The following ADIPOR2 variants were observed in gnomAD, a reference collection of about 807,000 sequenced individuals.
ADIPOR2 encodes the protein adiponectin receptor 2.
In ADIPOR2, 18 loss-of-function variants were observed where a neutral mutation model predicts 40.9. The ratio of observed to expected loss-of-function variants is 0.44; its 90% CI spans 0.30 to 0.65. The LOEUF is 0.65. ADIPOR2 is among the 30% of genes least tolerant of loss of function. The pLI is 0.09. For missense variants in ADIPOR2, 283 were observed against 479.2 expected, an observed-to-expected ratio of 0.59 and a Z score of 3.82; for synonymous variants, 165 against 166.4, an observed-to-expected ratio of 0.99 and a Z score of 0.06.
intron 1 of ADIPOR2, among the ~76,000 whole-genome samples, chr12:1,728,625 G>A (rs977676313): frequency 2.6e-5 from 4 of 151,880 alleles, no homozygotes; most frequent in African/African-American, 9.7e-5. Flanking sequence ...TCCGGAGGCT[G>A]AAGCAGGAGA....
chr12:1,754,552 A>C, intron 2 of ADIPOR2, 38 bp downstream of exon 2: 1 of 1,567,184 alleles, frequency 6.4e-7, no homozygotes, highest in South Asian at 1.2e-5. Context: ...AAAGGAAAAA[A>C]TGTGGAGGAA....
At chr12:1,714,594 A>G (rs1162304341) in intron 1 of ADIPOR2, among the ~76,000 whole-genome samples, 1 of 152,106 alleles carries the variant, frequency 6.6e-6, no homozygotes, top group Admixed American at 6.5e-5. Flanking sequence ...AATTCTGCTT[A>G]GTCCTTCTAG....
At chr12:1,724,446 A>G (rs2094703867) in intron 1 of ADIPOR2, among the ~76,000 whole-genome samples, 1 of 152,214 alleles carries the variant, frequency 6.6e-6, no homozygotes, top group Non-Finnish European at 1.5e-5. Flanking sequence ...GAGTAGTACA[A>G]ATCACAGAGA....
intron 1 of ADIPOR2, among the ~76,000 whole-genome samples, chr12:1,707,514 G>T (rs549813736): frequency 2.0e-5 from 3 of 151,360 alleles, no homozygotes; most frequent in African/African-American, 7.3e-5. Context: ...CTTGTCTGTT[G>T]TCCAGGTTGA....
intron 2 of ADIPOR2, among the ~76,000 whole-genome samples, chr12:1,767,515 A>G (rs1341843871): frequency 2.6e-5 from 4 of 152,170 alleles, no homozygotes; most frequent in East Asian, 3.9e-4. Context: ...CTTTGTTTCC[A>G]CAAACCTCTT....
intron 3 of ADIPOR2, among the ~76,000 whole-genome samples, chr12:1,774,602 G>A (rs1225857257): frequency 6.6e-6 from 1 of 152,160 alleles, no homozygotes; most frequent in Non-Finnish European, 1.5e-5. Flanking sequence ...GAGTTTCCAC[G>A]TTTGATCTTG....
chr12:1,735,751 T>C (rs1412736736), intron 1 of ADIPOR2, among the ~76,000 whole-genome samples: 2 of 152,200 alleles, frequency 1.3e-5, no homozygotes, highest in Non-Finnish European at 2.9e-5. Flanking sequence ...ATAGCTCTTA[T>C]TATTTTGACA....
chr12:1,724,939 G>C (rs1335394588), intron 1 of ADIPOR2, among the ~76,000 whole-genome samples: 1 of 151,976 alleles, frequency 6.6e-6, no homozygotes, highest in Non-Finnish European at 1.5e-5. Flanking sequence ...CAACTGTTAG[G>C]TATTATTAGG....
chr12:1,716,144 G>T (rs189103237), intron 1 of ADIPOR2, among the ~76,000 whole-genome samples: 4 of 152,164 alleles, frequency 2.6e-5, no homozygotes, highest in South Asian at 2.1e-4. Context: ...AACCAACTCC[G>T]CACACATAAA....
chr12:1,695,188 A>AT (rs2094635911), intron 1 of ADIPOR2, among the ~76,000 whole-genome samples: 3 of 151,760 alleles, frequency 2.0e-5, no homozygotes, highest in Non-Finnish European at 2.9e-5. Flanking sequence ...GCCGAGAGTT[A>AT]TTTTTTACAA....
intron 4 of ADIPOR2, chr12:1,778,418 T>A (rs1229551881): frequency 6.4e-6 from 1 of 157,070 alleles, no homozygotes. Flanking sequence ...GAATATGGAC[T>A]GTAATTTTTT....
chr12:1,693,838 A>G (rs1444560545), intron 1 of ADIPOR2, among the ~76,000 whole-genome samples: 2 of 152,110 alleles, frequency 1.3e-5, no homozygotes, highest in East Asian at 1.9e-4. Context: ...CAGCCCTGTA[A>G]TCTGCTTTTT....
chr12:1,721,708 G>A (rs1285207907), intron 1 of ADIPOR2, among the ~76,000 whole-genome samples: 2 of 152,180 alleles, frequency 1.3e-5, no homozygotes, highest in African/African-American at 2.4e-5. Context: ...AGACTGAGGG[G>A]TTGCTTTACA....
intron 7 of ADIPOR2, among the ~76,000 whole-genome samples, chr12:1,785,305 G>A (rs1427770419): frequency 2.6e-5 from 4 of 152,198 alleles, no homozygotes; most frequent in African/African-American, 9.7e-5. Flanking sequence ...TCACTTGCTT[G>A]TAGACCAGCT....
intron 1 of ADIPOR2, among the ~76,000 whole-genome samples, chr12:1,748,309 C>G (rs555237274): frequency 6.6e-6 from 1 of 152,060 alleles, no homozygotes; most frequent in Non-Finnish European, 1.5e-5. Flanking sequence ...AGTGCAGTGG[C>G]GCGATCTCGG....
At chr12:1,773,882 G>A (rs2370054) in intron 3 of ADIPOR2, among the ~76,000 whole-genome samples, 148,230 of 152,264 alleles carry the variant, frequency 0.97, 72,273 homozygotes, top group East Asian at 1. Flanking sequence ...GACTTAGAAT[G>A]CTATTACTTT....
At chr12:1,718,619 A>C (rs916889960) in intron 1 of ADIPOR2, among the ~76,000 whole-genome samples, 1 of 152,234 alleles carries the variant, frequency 6.6e-6, no homozygotes, top group Non-Finnish European at 1.5e-5. Context: ...TGAAATGGCT[A>C]AAGTCGACTG....
chr12:1,786,045 G>A lies in ADIPOR2; in HGVS notation c.1134G>A (p.Gly378=). 6.2e-7 allele frequency: 1 copy of A among 1,613,998 alleles called. No individual in the cohort carries two copies. Among genetic ancestry groups the A allele is most frequent in the Non-Finnish European group, 8.5e-7 (1 of 1,180,016 alleles). ...NLQEFRFMIG[G]GCSEEDAL ...AGGAGTTTCGTTTCATGATCGGCGG[G>A]GGCTGCAGTGAAGAGGATGCACTGT... The change falls in exon 8 of 8, where the codon GGG becomes GGA. Residue 378 remains glycine, a synonymous_variant. Coordinates refer to ENST00000357103, the MANE Select transcript of ADIPOR2 (RefSeq NM_024551.3).
chr12:1,764,874 T>C (rs1862344953), intron 2 of ADIPOR2, among the ~76,000 whole-genome samples: 1 of 152,216 alleles, frequency 6.6e-6, no homozygotes, highest in Admixed American at 6.5e-5. Context: ...AGCTGTAGAT[T>C]ATTCATTTTT....
Sources: gnomAD v4.1 joint callset for allele counts (sites outside exome capture counted in the v4.1 genomes callset) on GRCh38, gnomAD v4.1.1 for gene constraint, MANE v1.5 for transcripts, NCBI Gene and HGNC (gene_info 2026-07-23, HGNC 2026-07-21) for gene names.